ZNF324B: variants seen among roughly 807,000 people sequenced by gnomAD.
ZNF324B encodes the protein zinc finger protein 324B.
A neutral mutation model predicts 10.6 loss-of-function variants in ZNF324B; 7 were observed. The observed-to-expected ratio is 0.66, with a 90% CI of 0.38 to 1.24. The LOEUF is 1.24. ZNF324B is among the 50% of genes most tolerant of loss of function. ZNF324B has a pLI of 0.02. For synonymous variants in ZNF324B, 316 were observed against 321.0 expected, an observed-to-expected ratio of 0.98 and a Z score of 0.17; for missense variants, 640 against 764.7, an observed-to-expected ratio of 0.84 and a Z score of 1.92.
At position 58,455,567 on chromosome 19, in the gene ZNF324B, G is replaced by C. The variant is rs762466798; in HGVS notation, c.623G>C (p.Gly208Ala). ...CAGGAGGTCCCTGGGAGAGCCTTCG[G>C]GAATGCCTCGGACCTGAAGGCCGCC... Reference protein sequence around the residue: ...CAQEVPGRAFGNASDLKAASG... With the variant: ...CAQEVPGRAFANASDLKAASG... Residue 208 changes from glycine to alanine, a missense_variant, in exon 4 of 4, where the codon GGG becomes GCG. This residue lies in a region of ZNF324B where 345 missense variants were observed against 387.9 expected (regional missense o/e 0.89). Coordinates refer to ENST00000336614, the MANE Select transcript of ZNF324B (RefSeq NM_207395.3). The surrounding 1 kb of genome is among the most constrained non-coding windows in gnomAD (Gnocchi z 7.0). 1 of 1,614,132 alleles carries C rather than the reference G, an allele frequency of 6.2e-7. No individual in the cohort carries two copies. The highest frequency in any genetic ancestry group is 1.3e-5 in the African/African-American group (1 of 75,072).
rs1261626895 is a variant in ZNF324B at position 58,456,031 on chromosome 19, C to A, written c.1087C>A (p.His363Asn). ...CAACCTCAGCCAGCACCGCAAGATC[C>A]ACGCGGGTGGGCGTCCTTATGCTTG... ...GSNLSQHRKI[H>N]AGGRPYACAQ... Residue 363 changes from histidine (H) to asparagine (N), a missense_variant, in exon 4 of 4, where the codon CAC becomes AAC. Around this residue, in one of 3 missense-constraint regions of ZNF324B, gnomAD observed 57 missense variants for 118.8 expected, o/e 0.48. Transcript: ENST00000336614. This position sits in a 1 kb window ranked among gnomAD's most constrained non-coding sequence, Gnocchi z 4.7. 2 of 1,603,800 alleles carry A rather than the reference C, an allele frequency of 1.2e-6. No homozygotes were observed. The highest frequency in any genetic ancestry group is 1.7e-6 in the Non-Finnish European group (2 of 1,174,742).
chr19:58,427,907 A>T, the ZNF324B span, among the ~76,000 whole-genome samples: 3 of 152,176 alleles, frequency 2.0e-5, no homozygotes, highest in South Asian at 6.2e-4. Context: ...GCTGAGCCCC[A>T]TATGGCTCAG....
At chr19:58,446,317 G>A in the ZNF324B span, among the ~76,000 whole-genome samples, 6 of 152,292 alleles carry the variant, frequency 3.9e-5, no homozygotes, top group Non-Finnish European at 7.4e-5. Context: ...CAGAACCCAT[G>A]TTGTACTTTG....
At position 58,456,203 on chromosome 19, in the gene ZNF324B, C is replaced by G. The variant is rs1313709188; in HGVS notation, c.1259C>G (p.Thr420Arg). Residue 420 changes from threonine to arginine, a missense_variant, in exon 4 of 4, where the codon ACA becomes AGA. Thr to Arg is a moderately conservative substitution (Grantham distance 71). Transcript: ENST00000336614. The surrounding 1 kb of genome is among the most constrained non-coding windows in gnomAD (Gnocchi z 4.7). ...CTCTTTTTGCACCAGCGCGTGCACA[C>G]AGGCGAGAAGCCCTTCGCCTGCGCC... is the stretch of plus-strand genomic sequence containing the variant. ...SSLFLHQRVH[T>R]GEKPFACAQC... The G allele has an allele frequency of 6.2e-7, 1 of 1,613,232 alleles. No individual in the cohort carries two copies. The highest frequency in any genetic ancestry group is 2.2e-5 in the East Asian group (1 of 44,862).
Position 58,454,324 on chromosome 19 carries a change from C to A in ZNF324B, c.218C>A (p.Thr73Asn). ...SGKDMTLARN[T>N]YGRLNSGSWS... is the part of the protein sequence containing the mutation. Reference sequence around the variant, plus strand: ...AAGGACATGACCCTGGCCAGGAACACCTACGGGAGGCTCAACTCTGGTGAG... The same window carrying A: ...AAGGACATGACCCTGGCCAGGAACAACTACGGGAGGCTCAACTCTGGTGAG... The change falls in exon 3 of 4, where the codon ACC (threonine) becomes AAC (asparagine). Residue 73 changes from threonine (T) to asparagine (N), a missense_variant. Coordinates refer to ENST00000336614, the MANE Select transcript of ZNF324B (RefSeq NM_207395.3). 2 of 1,613,726 alleles carry A rather than the reference C, an allele frequency of 1.2e-6. No individual in the cohort carries two copies. The highest frequency in any genetic ancestry group is 1.7e-6 in the Non-Finnish European group (2 of 1,179,608).
At chr19:58,430,972 T>A in the ZNF324B span, 1 of 152,204 alleles carries the variant, frequency 6.6e-6, no homozygotes, top group Non-Finnish European at 1.5e-5. Context: ...TTCCACATTC[T>A]CTTTTGAGCT....
At chr19:58,434,905 A>T in the ZNF324B span, 1 of 1,614,018 alleles carries the variant, frequency 6.2e-7, no homozygotes, top group Non-Finnish European at 8.5e-7. Context: ...AGAGCTCTTC[A>T]TAAGTGCGTC....
the ZNF324B span, chr19:58,444,779 T>C: frequency 6.6e-6 from 1 of 152,276 alleles, no homozygotes. Flanking sequence ...GCAAGTGTAT[T>C]ATGAGCATGG....
the ZNF324B span, among the ~76,000 whole-genome samples, chr19:58,420,495 G>A: frequency 1.3e-5 from 2 of 149,928 alleles, no homozygotes. Context: ...CTGGGATACT[G>A]AGGTGGGAGG....
At chr19:58,434,800 C>T in the ZNF324B span, 3 of 1,614,106 alleles carry the variant, frequency 1.9e-6, no homozygotes, top group East Asian at 2.2e-5. Flanking sequence ...CTTCTGCCCA[C>T]TGTCAACAGC....
intron 2 of ZNF324B, among the ~76,000 whole-genome samples, 164 bp downstream of exon 2, chr19:58,453,986 G>C (rs766792073): frequency 6.6e-6 from 1 of 152,188 alleles, no homozygotes; most frequent in Admixed American, 6.5e-5. Context: ...ACTCCTTGCC[G>C]CCCTGTCCAG....
intron 1 of ZNF324B, chr19:58,452,892 A>G (rs1284057080): frequency 6.6e-6 from 1 of 152,120 alleles, no homozygotes; most frequent in Admixed American, 6.6e-5. Context: ...GAGCGCTGAG[A>G]TCGAGACCAT....
At chr19:58,446,585 T>C in the ZNF324B span, among the ~76,000 whole-genome samples, 2 of 146,740 alleles carry the variant, frequency 1.4e-5, no homozygotes, top group African/African-American at 5.1e-5. Context: ...TTTTTTTTTT[T>C]TTTTTTTTTT....
At chr19:58,447,588 A>T (rs1421795316), upstream of ZNF324B, among the ~76,000 whole-genome samples, 1 of 152,232 alleles carries the variant, frequency 6.6e-6, no homozygotes, top group Non-Finnish European at 1.5e-5. Flanking sequence ...ATTACTTGAG[A>T]TTGGACATGA....
intron 1 of ZNF324B, among the ~76,000 whole-genome samples, chr19:58,452,939 A>G (rs10416149): frequency 0.46 from 69,271 of 151,562 alleles, 15,935 homozygotes; most frequent in African/African-American, 0.48. Context: ...TCTACTAAAA[A>G]TCCAAAAAAA....
At chr19:58,433,615 C>T in the ZNF324B span, 237 of 1,613,950 alleles carry the variant, frequency 1.5e-4, no homozygotes, top group East Asian at 4.5e-4. Context: ...GCTGGATTTT[C>T]GGCTAAAGAA....
chr19:58,426,045 G>A, the ZNF324B span, among the ~76,000 whole-genome samples: 2 of 152,172 alleles, frequency 1.3e-5, no homozygotes, highest in East Asian at 1.9e-4. Flanking sequence ...GATTCCTTGA[G>A]GGTTACAAGG....
Position 58,456,147 on chromosome 19 carries a change from C to G in ZNF324B, c.1203C>G (p.Leu401=). Residue 401 remains leucine (L), a synonymous_variant, in exon 4 of 4, where the codon CTC becomes CTG. Coordinates refer to ENST00000336614, the MANE Select transcript of ZNF324B (RefSeq NM_207395.3). The surrounding 1 kb of genome is among the most constrained non-coding windows in gnomAD (Gnocchi z 4.7). ...HTGEKPFVCA[L]CGAAFSQGSS... ...GCGAGAAGCCCTTCGTATGCGCGCTCTGCGGTGCTGCCTTCAGCCAGGGCT... is the reference window on the plus strand; with the variant it reads ...GCGAGAAGCCCTTCGTATGCGCGCTGTGCGGTGCTGCCTTCAGCCAGGGCT... The G allele has an allele frequency of 6.2e-7, 1 of 1,613,388 alleles. No individual in the cohort carries two copies. The highest frequency in any genetic ancestry group is 8.5e-7 in the Non-Finnish European group (1 of 1,179,814).
At chr19:58,433,480 T>C in the ZNF324B span, 1 of 1,614,132 alleles carries the variant, frequency 6.2e-7, no homozygotes, top group Non-Finnish European at 8.5e-7. Flanking sequence ...GATGCACTCA[T>C]AGGGCCTTTC....
Sources: gnomAD v4.1 joint callset for allele counts (sites outside exome capture counted in the v4.1 genomes callset) on GRCh38, gnomAD v4.1.1 for gene constraint, gnomAD v4.1.1 regional missense constraint, Gnocchi (gnomAD v3.1) non-coding constraint, MANE v1.5 for transcripts, NCBI Gene and HGNC (gene_info 2026-07-23, HGNC 2026-07-21) for gene names.